The following AFF1 variants were observed in gnomAD, a reference collection of about 807,000 sequenced individuals.
The protein encoded by AFF1 is ALF transcription elongation factor 1, also known as AF4/FMR2 family member 1.
A neutral mutation model predicts 121.7 loss-of-function variants in AFF1; 48 were observed. The observed-to-expected ratio is 0.39, with a 90% CI of 0.31 to 0.50. The LOEUF (loss-of-function observed/expected upper bound fraction) is 0.50, where lower values mean the gene tolerates loss of function less well. Among genes scored for constraint, AFF1 ranks in the 20% least tolerant of loss-of-function variants. The pLI is 0.76. For missense variants in AFF1, 1,523 were observed against 1,511.7 expected (o/e 1.01, Z -0.12); for synonymous variants, 613 against 563.0 (o/e 1.09, Z -1.26).
intron 2 of AFF1, among the ~76,000 whole-genome samples, chr4:87,015,955 C>T (rs146937733): frequency 2.6e-5 from 4 of 152,240 alleles, no homozygotes; most frequent in East Asian, 1.9e-4. Flanking sequence ...CCCAGGCAGG[C>T]GGATCACCTG....
chr4:87,125,861 A>G (rs889105695), intron 13 of AFF1, among the ~76,000 whole-genome samples: 3 of 152,182 alleles, frequency 2.0e-5, no homozygotes, highest in Admixed American at 1.3e-4. Context: ...GGTTGGGGAA[A>G]GTCAGGACCA....
intron 11 of AFF1, among the ~76,000 whole-genome samples, chr4:87,112,538 A>G (rs1321927419): frequency 6.6e-6 from 1 of 152,216 alleles, no homozygotes; most frequent in Non-Finnish European, 1.5e-5. Context: ...ACTAAACCCA[A>G]ACTATCTACC....
intron 12 of AFF1, among the ~76,000 whole-genome samples, chr4:87,124,372 G>A (rs961588149): frequency 3.3e-5 from 5 of 152,056 alleles, no homozygotes; most frequent in African/African-American, 1.2e-4. Flanking sequence ...TCTGTATATG[G>A]AGAGATATAA....
chr4:87,074,294 T>A (rs911673380), intron 4 of AFF1, among the ~76,000 whole-genome samples: 1 of 152,150 alleles, frequency 6.6e-6, no homozygotes, highest in Non-Finnish European at 1.5e-5. Context: ...ACTTGTTCTT[T>A]GTGATGCCTT....
rs1720431875 is a variant in AFF1 at position 86,941,255 on chromosome 4, A to G, written c.-37+6015A>G. On this transcript the variant is annotated intron_variant, in intron 1 of 20. Coordinates refer to ENST00000395146, the MANE Select transcript of AFF1 (RefSeq NM_001166693.3). ...GCCAGGTACAGTGCCTCATGCCTGT[A>G]ATCGCAGCACTTTGGTAGGCTGATG... is the stretch of plus-strand genomic sequence containing the variant. Among the ~76,000 whole-genome samples, 4 of 152,244 alleles carry G rather than the reference A, an allele frequency of 2.6e-5. No individual in the cohort carries two copies. In the South Asian group the frequency reaches 8.3e-4, roughly 31 times the overall value.
intron 2 of AFF1, among the ~76,000 whole-genome samples, chr4:86,981,559 A>C (rs1723761501): frequency 6.6e-6 from 1 of 151,790 alleles, no homozygotes. Flanking sequence ...AGTAGAGATG[A>C]GATTTCACCA....
intron 2 of AFF1, among the ~76,000 whole-genome samples, chr4:87,007,686 CTG>C (rs1726307346): frequency 2.0e-5 from 3 of 152,222 alleles, no homozygotes; most frequent in Admixed American, 1.3e-4. Context: ...TCCCCCAGAA[CTG>C]TTATTTTCCG....
intron 4 of AFF1, among the ~76,000 whole-genome samples, chr4:87,048,880 A>G (rs1462165222): frequency 6.6e-6 from 1 of 152,166 alleles, no homozygotes; most frequent in Non-Finnish European, 1.5e-5. Flanking sequence ...ACTTAAGAAG[A>G]TTTAATGCAC....
At position 87,140,369 on chromosome 4, in the gene AFF1, G is replaced by A. The variant is rs938719872; in HGVS notation, c.*4668G>A. On this transcript the variant is annotated 3_prime_UTR_variant, in exon 21 of 21. Coordinates refer to ENST00000395146, the MANE Select transcript of AFF1 (RefSeq NM_001166693.3). ...TGTGTGTGTGTATGTGTGTATGTACGCACGCATGTGTCCCAAATCTTGTTT... is the reference window on the plus strand; with the variant it reads ...TGTGTGTGTGTATGTGTGTATGTACACACGCATGTGTCCCAAATCTTGTTT... 4.6e-5 allele frequency: 9 copies of A among 194,372 alleles called. No homozygotes were observed. The highest frequency in any genetic ancestry group is 9.3e-5 in the African/African-American group (4 of 43,042). The allele number at this position is 194,372 out of a possible 1,614,324, so 12.0% of individuals were successfully genotyped here.
At chr4:87,107,569 G>A (rs1474364662) in intron 10 of AFF1, among the ~76,000 whole-genome samples, 4 of 152,114 alleles carry the variant, frequency 2.6e-5, no homozygotes, top group Non-Finnish European at 5.9e-5. Flanking sequence ...TATATTTAGT[G>A]GTCTTTGGCT....
At chr4:86,968,991 A>C (rs1722728946) in intron 2 of AFF1, among the ~76,000 whole-genome samples, 1 of 151,974 alleles carries the variant, frequency 6.6e-6, no homozygotes, top group Admixed American at 6.6e-5. Flanking sequence ...AAAAAAGGAG[A>C]GAGAAGGGGC....
rs899323517 is a variant in AFF1 at position 87,108,074 on chromosome 4, T to C, written c.1377-85T>C. On this transcript the variant is annotated intron_variant, in intron 10 of 20. Transcript: ENST00000395146. Reference sequence around the variant, plus strand: ...TATCTAATACCAAGGCCCGCCCTTTTGAGTAGCAGGAAAATGGGCAAGGGA... The same window carrying C: ...TATCTAATACCAAGGCCCGCCCTTTCGAGTAGCAGGAAAATGGGCAAGGGA... 2.0e-6 allele frequency: 3 copies of C among 1,497,280 alleles called. No homozygotes were observed. In the African/African-American group the frequency reaches 4.2e-5, roughly 21 times the overall value. The allele number at this position is 1,497,280 out of a possible 1,614,324, so 92.7% of individuals were successfully genotyped here.
chr4:86,972,242 T>C (rs940600607), intron 2 of AFF1, among the ~76,000 whole-genome samples: 2 of 151,866 alleles, frequency 1.3e-5, no homozygotes, highest in Non-Finnish European at 2.9e-5. Flanking sequence ...GTCTGTTACA[T>C]TTTCTTCCAT....
chr4:86,997,512 C>T (rs1484411185), intron 2 of AFF1, among the ~76,000 whole-genome samples: 2 of 152,098 alleles, frequency 1.3e-5, no homozygotes, highest in Non-Finnish European at 2.9e-5. Context: ...CCTGTAATCC[C>T]AGCACTTTGG....
At chr4:86,987,025 G>A (rs541529033) in intron 2 of AFF1, among the ~76,000 whole-genome samples, 6 of 151,800 alleles carry the variant, frequency 4.0e-5, no homozygotes, top group Non-Finnish European at 5.9e-5. Flanking sequence ...ATTATTTTTT[G>A]TAGAGATGGG....
At chr4:87,053,368 T>G (rs1210219950) in intron 4 of AFF1, among the ~76,000 whole-genome samples, 1 of 152,184 alleles carries the variant, frequency 6.6e-6, no homozygotes, top group African/African-American at 2.4e-5. Context: ...GCTCTTAAAT[T>G]GAGCCTCCTA....
chr4:86,971,896 G>C (rs1722970571), intron 2 of AFF1, among the ~76,000 whole-genome samples: 1 of 152,088 alleles, frequency 6.6e-6, no homozygotes, highest in Non-Finnish European at 1.5e-5. Context: ...CAGCACTTGG[G>C]GAGGCTAAGA....
intron 5 of AFF1, among the ~76,000 whole-genome samples, chr4:87,085,467 G>A (rs577995251): frequency 1.3e-5 from 2 of 150,570 alleles, no homozygotes; most frequent in African/African-American, 4.9e-5. Context: ...GTAGAGAGAT[G>A]TATATAATAA....
At chr4:86,967,744 G>A (rs1722634393) in intron 2 of AFF1, among the ~76,000 whole-genome samples, 2 of 152,076 alleles carry the variant, frequency 1.3e-5, no homozygotes, top group African/African-American at 4.8e-5. Context: ...ACTGGGAGAT[G>A]CTGAAAGATG....
Sources: allele counts gnomAD v4.1 joint callset (sites outside exome capture counted in the v4.1 genomes callset), GRCh38; gene constraint gnomAD v4.1.1; transcripts MANE v1.5; gene names NCBI Gene and HGNC (gene_info 2026-07-23, HGNC 2026-07-21).